The following STIM1 variants were observed in gnomAD, a reference collection of about 807,000 sequenced individuals.
STIM1 encodes stromal interaction molecule 1.
STIM1 carries 25 observed loss-of-function variants against 74.7 expected under a neutral mutation model. That is an observed-to-expected ratio of 0.33 (90% CI 0.24 to 0.47). The LOEUF (loss-of-function observed/expected upper bound fraction) is 0.47, where lower values mean the gene tolerates loss of function less well. Among genes scored for constraint, STIM1 ranks in the 20% least tolerant of loss-of-function variants. STIM1 has a pLI of 1.00. For synonymous variants in STIM1, 328 were observed against 348.8 expected (o/e 0.94, Z 0.66); for missense variants, 728 against 920.8 (o/e 0.79, Z 2.71).
chr11:3,960,802 G>A (rs920490046), intron 1 of STIM1, among the ~76,000 whole-genome samples: 1 of 152,176 alleles, frequency 6.6e-6, no homozygotes, highest in South Asian at 2.1e-4. Flanking sequence ...ATAAGATTAT[G>A]TCTGTCTTCT....
intron 2 of STIM1, among the ~76,000 whole-genome samples, chr11:4,014,370 T>A (rs908772050): frequency 6.6e-6 from 1 of 152,246 alleles, no homozygotes; most frequent in Non-Finnish European, 1.5e-5. Context: ...TTGAGTGAAC[T>A]TCTTAATCCT....
chr11:4,001,402 A>G (rs1355185661), intron 2 of STIM1, among the ~76,000 whole-genome samples: 1 of 152,200 alleles, frequency 6.6e-6, no homozygotes, highest in East Asian at 1.9e-4. Context: ...CAGAAACTCT[A>G]CAAGCCAGAA....
At position 3,959,754 on chromosome 11, in the gene STIM1, C is replaced by T. The variant is rs74051569; in HGVS notation, c.140-7798C>T. 9.0e-3 allele frequency among the ~76,000 whole-genome samples: 1,372 copies of T among 152,072 alleles called. 21 individuals carry two copies. Among genetic ancestry groups the T allele is most frequent in the African/African-American group, 0.032 (1,310 of 41,462 alleles). ...TCAAAGTGTAGTCTTTAGACCATGG[C>T]GGGTGGCAGCAAGGCCTTTTCAGGA... is the stretch of plus-strand genomic sequence containing the variant. On this transcript the variant is annotated intron_variant, in intron 1 of 12. Transcript: ENST00000526596.
chr11:3,932,333 A>G (rs902427820), intron 1 of STIM1, among the ~76,000 whole-genome samples: 11 of 152,228 alleles, frequency 7.2e-5, no homozygotes, highest in Admixed American at 4.6e-4. Context: ...TCATTAGGAC[A>G]GAGCCCTCTT....
chr11:3,998,190 G>C (rs1006223430), intron 2 of STIM1, among the ~76,000 whole-genome samples: 2 of 152,186 alleles, frequency 1.3e-5, no homozygotes, highest in Non-Finnish European at 2.9e-5. Flanking sequence ...CCCTCAACAT[G>C]AGGGTTGTTA....
chr11:3,961,387 A>G lies in STIM1; in HGVS notation c.140-6165A>G, dbSNP rs373937856. Reference sequence around the variant, plus strand: ...ACTCTATGGGCTTTAGAAACAAGCTATAACTGGGGACATTAATATTGAGTG... The same window carrying G: ...ACTCTATGGGCTTTAGAAACAAGCTGTAACTGGGGACATTAATATTGAGTG... On this transcript the variant is annotated intron_variant, in intron 1 of 12. Coordinates refer to ENST00000526596, the MANE Select transcript of STIM1 (RefSeq NM_001382567.1). 87 of 247,218 alleles carry G rather than the reference A, an allele frequency of 3.5e-4. 2 individuals carry two copies. The South Asian group carries it at 4.8e-3, about 14-fold the overall frequency. The allele number at this position is 247,218 out of a possible 1,614,324, so 15.3% of individuals were successfully genotyped here.
intron 1 of STIM1, among the ~76,000 whole-genome samples, chr11:3,956,822 C>CAAAAAAAAAAAA (rs1565127471): frequency 2.3e-5 from 1 of 43,466 alleles, no homozygotes; most frequent in African/African-American, 6.6e-5. Flanking sequence ...GACCCTGTCT[C>CAAAAAAAAAAAA]CAAAAAAAAA....
intron 2 of STIM1, among the ~76,000 whole-genome samples, chr11:3,976,634 A>G (rs967639415): frequency 2.0e-5 from 3 of 152,146 alleles, no homozygotes; most frequent in East Asian, 1.9e-4. Flanking sequence ...CTTTTCCTCT[A>G]TATATCCAGG....
chr11:4,006,689 C>T (rs1379185086), intron 2 of STIM1, among the ~76,000 whole-genome samples: 2 of 152,174 alleles, frequency 1.3e-5, no homozygotes, highest in Non-Finnish European at 2.9e-5. Context: ...GCTGGGATTA[C>T]AGGTGTGAGC....
At chr11:3,925,246 T>A (rs2092772995) in intron 1 of STIM1, among the ~76,000 whole-genome samples, 1 of 152,116 alleles carries the variant, frequency 6.6e-6, no homozygotes, top group Admixed American at 6.6e-5. Flanking sequence ...ACTATAAAAA[T>A]TAGCTGGGCA....
At chr11:4,015,941 G>C (rs1448235824) in intron 2 of STIM1, among the ~76,000 whole-genome samples, 1 of 152,090 alleles carries the variant, frequency 6.6e-6, no homozygotes, top group Non-Finnish European at 1.5e-5. Flanking sequence ...TTAGCCATTT[G>C]TCTAACCTTT....
rs2093605696 is a variant in STIM1, at chr11:3,991,036, A to G, written c.270+23354A>G. Among the ~76,000 whole-genome samples, 3 of 152,100 alleles carry G rather than the reference A, an allele frequency of 2.0e-5. No individual in the cohort carries two copies. The South Asian group carries it at 6.2e-4, about 32-fold the overall frequency. On this transcript the variant is annotated intron_variant, in intron 2 of 12. Transcript: ENST00000526596. ...TGTGTGTACCCAAGATTTAGCTCCC[A>G]CTTACAAGTGAGAACATGCAATATC...
intron 3 of STIM1, among the ~76,000 whole-genome samples, chr11:4,053,543 G>T (rs540036644): frequency 3.3e-5 from 5 of 150,572 alleles, no homozygotes; most frequent in Admixed American, 6.7e-5. Flanking sequence ...AGAACACTTG[G>T]ACACAGGAAG....
intron 1 of STIM1, among the ~76,000 whole-genome samples, chr11:3,923,275 T>C (rs1359020902): frequency 6.6e-6 from 1 of 152,120 alleles, no homozygotes; most frequent in Non-Finnish European, 1.5e-5. Flanking sequence ...ATTTTTTTCC[T>C]TCTGTGTATA....
At chr11:4,031,308 T>C (rs2094048303) in intron 3 of STIM1, among the ~76,000 whole-genome samples, 2 of 152,208 alleles carry the variant, frequency 1.3e-5, no homozygotes, top group South Asian at 4.1e-4. Context: ...CTGGGAGACA[T>C]TGAGCTGCTT....
chr11:4,070,771 C>G (rs989281007), intron 6 of STIM1, among the ~76,000 whole-genome samples: 2 of 152,190 alleles, frequency 1.3e-5, no homozygotes, highest in African/African-American at 4.8e-5. Context: ...CTCAGATGGT[C>G]TGGGATTCTG....
At chr11:3,997,826 A>G (rs148637367) in intron 2 of STIM1, among the ~76,000 whole-genome samples, 203 of 152,316 alleles carry the variant, frequency 1.3e-3, no homozygotes, top group Middle Eastern at 6.8e-3. Flanking sequence ...TAAAGTTTTG[A>G]TTTTAAATGG....
chr11:3,947,311 T>C (rs189427607), intron 1 of STIM1: 2 of 152,316 alleles, frequency 1.3e-5, no homozygotes, highest in African/African-American at 4.8e-5. Context: ...TTTCTCTTCA[T>C]AGCCTGGTAC....
At chr11:3,892,328 G>A in intron 1 of STIM1, 1 of 939,324 alleles carries the variant, frequency 1.1e-6, no homozygotes, top group South Asian at 1.4e-5. Context: ...TGGGGTGGAG[G>A]GGTGCTCTCC....
Sources: gnomAD v4.1 joint callset for allele counts (sites outside exome capture counted in the v4.1 genomes callset) on GRCh38, gnomAD v4.1.1 for gene constraint, MANE v1.5 for transcripts, NCBI Gene and HGNC (gene_info 2026-07-23, HGNC 2026-07-21) for gene names.